Variants in SORCS1 observed in about 807,000 individuals in gnomAD.
SORCS1 encodes VPS10 domain-containing receptor SorCS1.
Under a neutral mutation model 146.1 loss-of-function variants are expected in SORCS1, and 60 were observed. The observed-to-expected ratio is 0.41, with a 90% CI of 0.33 to 0.51. The LOEUF (loss-of-function observed/expected upper bound fraction) is 0.51. Ranked by LOEUF, SORCS1 falls within the 20% of genes least tolerant of loss-of-function variation. SORCS1 has a pLI of 0.21. For synonymous variants in SORCS1, 637 were observed against 584.0 expected, an observed-to-expected ratio of 1.09 and a Z score of -1.31; for missense variants, 1,352 against 1,487.6, an observed-to-expected ratio of 0.91 and a Z score of 1.50.
intron 2 of SORCS1, among the ~76,000 whole-genome samples, chr10:106,878,515 A>G (rs913284021): frequency 3.3e-5 from 5 of 150,016 alleles, no homozygotes; most frequent in Admixed American, 1.3e-4. Context: ...TCATCTATGA[A>G]CCCCATAAAG....
chr10:106,752,283 GGAA>G (rs1460784023), intron 5 of SORCS1, among the ~76,000 whole-genome samples: 1 of 152,142 alleles, frequency 6.6e-6, no homozygotes, highest in African/African-American at 2.4e-5. Context: ...CCCAAAAGCA[GGAA>G]GAACTAAAGA....
chr10:107,114,730 A>C (rs1354025375), intron 1 of SORCS1, among the ~76,000 whole-genome samples: 2 of 152,170 alleles, frequency 1.3e-5, no homozygotes, highest in African/African-American at 4.8e-5. Context: ...CTTCTACTCA[A>C]CATAGTAATG....
At chr10:107,048,001 T>G (rs749742698) in intron 1 of SORCS1, among the ~76,000 whole-genome samples, 1 of 152,126 alleles carries the variant, frequency 6.6e-6, no homozygotes, top group African/African-American at 2.4e-5. Context: ...GAGGATCACC[T>G]GAGCCCGCGA....
At chr10:106,645,738 A>T (rs1408193814) in intron 18 of SORCS1, among the ~76,000 whole-genome samples, 1 of 152,078 alleles carries the variant, frequency 6.6e-6, no homozygotes, top group Non-Finnish European at 1.5e-5. Flanking sequence ...CATAATAAAA[A>T]TAATAAAAAA....
Position 107,164,673 on chromosome 10 carries a change from G to A in SORCS1, c.-147C>T. On this transcript the variant is annotated 5_prime_UTR_variant, in exon 1 of 26. Coordinates refer to ENST00000263054, the MANE Select transcript of SORCS1 (RefSeq NM_052918.5). This position sits in a 1 kb window ranked among gnomAD's most constrained non-coding sequence, Gnocchi z 6.8. ...TGGGGGCGGGCGGAGGCGGCGCCGG[G>A]CAGGTGGCGGCCGCTTGCCCGGGCT... 1 of 589,756 alleles carries A rather than the reference G, an allele frequency of 1.7e-6. No individual in the cohort carries two copies. 36.5% of individuals were successfully genotyped at this position (589,756 alleles called of 1,614,324 possible).
intron 1 of SORCS1, among the ~76,000 whole-genome samples, chr10:107,020,284 G>C (rs902064862): frequency 6.6e-6 from 1 of 152,174 alleles, no homozygotes; most frequent in Non-Finnish European, 1.5e-5. Flanking sequence ...GTAGTAAATA[G>C]ACTGCAGTAC....
At chr10:106,996,883 GT>G (rs372666543) in intron 1 of SORCS1, among the ~76,000 whole-genome samples, 2,082 of 150,948 alleles carry the variant, frequency 0.014, 44 homozygotes, top group African/African-American at 0.047. Flanking sequence ...TAATATCCAT[GT>G]TTTTTTTTCT....
At chr10:106,760,442 C>CAA (rs34324078) in intron 5 of SORCS1, among the ~76,000 whole-genome samples, 12,236 of 44,106 alleles carry the variant, frequency 0.28, 1,812 homozygotes, top group Non-Finnish European at 0.35. Flanking sequence ...GACTCCGTCT[C>CAA]AAAAAAAAAA....
chr10:106,880,107 C>T (rs976889313), intron 2 of SORCS1, among the ~76,000 whole-genome samples: 4 of 152,162 alleles, frequency 2.6e-5, no homozygotes, highest in East Asian at 3.9e-4. Context: ...GTGCCTGGAA[C>T]GCAAAGTGTT....
chr10:106,776,443 T>C, intron 4 of SORCS1, 91 bp downstream of exon 4: 2 of 1,514,580 alleles, frequency 1.3e-6, no homozygotes, highest in Admixed American at 1.8e-5. Flanking sequence ...ACAAAAATGA[T>C]CACTGAGGTG....
At chr10:106,857,735 G>T (rs1227989706) in intron 2 of SORCS1, among the ~76,000 whole-genome samples, 1 of 152,136 alleles carries the variant, frequency 6.6e-6, no homozygotes, top group African/African-American at 2.4e-5. Context: ...ACCTGTCAGT[G>T]CAACTGATAT....
chr10:106,754,943 A>G (rs1858524863), intron 5 of SORCS1, among the ~76,000 whole-genome samples: 1 of 152,228 alleles, frequency 6.6e-6, no homozygotes, highest in South Asian at 2.1e-4. Context: ...GGTAAGGCTG[A>G]ACCTATTTTT....
In SORCS1 at chr10:106,795,974, G is replaced by C. The variant is rs190008302; in HGVS notation, c.727-19282C>G. On this transcript the variant is annotated intron_variant, in intron 3 of 25. Transcript: ENST00000263054. ...TGATCTTCCAGTTCAAACATCATGT[G>C]GTTTTTCTGGGGTGAGAGATGCATG... is the stretch of plus-strand genomic sequence containing the variant. Among the ~76,000 whole-genome samples the C allele has an allele frequency of 1.8e-3, 279 of 152,250 alleles. 3 individuals carry two copies. The highest frequency in any genetic ancestry group is 6.5e-3 in the African/African-American group (272 of 41,538).
At chr10:106,739,658 A>AT (rs1554917134) in intron 5 of SORCS1, among the ~76,000 whole-genome samples, 1,547 of 150,834 alleles carry the variant, frequency 0.01, 25 homozygotes, top group African/African-American at 0.032. Flanking sequence ...ATACAAAAAA[A>AT]ATATATATAT....
intron 1 of SORCS1, among the ~76,000 whole-genome samples, chr10:106,971,633 G>C (rs1036456762): frequency 2.6e-5 from 4 of 152,242 alleles, no homozygotes; most frequent in Non-Finnish European, 4.4e-5. Flanking sequence ...TGAGGGCTGA[G>C]TAGTTGTAAA....
At chr10:106,974,653 G>A (rs1955920844) in intron 1 of SORCS1, among the ~76,000 whole-genome samples, 1 of 152,184 alleles carries the variant, frequency 6.6e-6, no homozygotes, top group South Asian at 2.1e-4. Context: ...GCAAGGGTTT[G>A]AAGCTATTAC....
chr10:106,617,870 G>C (rs1847481073), intron 21 of SORCS1, among the ~76,000 whole-genome samples: 1 of 152,188 alleles, frequency 6.6e-6, no homozygotes, highest in South Asian at 2.1e-4. Flanking sequence ...TAAGTGAAAT[G>C]AGTTAGCCTT....
chr10:107,174,865 G>T, the SORCS1 span, among the ~76,000 whole-genome samples: 44 of 152,222 alleles, frequency 2.9e-4, no homozygotes, highest in African/African-American at 9.9e-4. Context: ...CAAGAGCAGG[G>T]GGAAAGGTTT....
intron 1 of SORCS1, among the ~76,000 whole-genome samples, chr10:107,061,628 CAG>C (rs1961242669): frequency 6.6e-6 from 1 of 152,136 alleles, no homozygotes; most frequent in Admixed American, 6.6e-5. Context: ...GTGAACAAGT[CAG>C]AGCAAAATGT....
Sources: gnomAD v4.1 joint callset for allele counts (sites outside exome capture counted in the v4.1 genomes callset) on GRCh38, gnomAD v4.1.1 for gene constraint, Gnocchi (gnomAD v3.1) non-coding constraint, MANE v1.5 for transcripts, NCBI Gene and HGNC (gene_info 2026-07-23, HGNC 2026-07-21) for gene names.